CRY1: variants seen among roughly 807,000 people sequenced by gnomAD.
CRY1 encodes cryptochrome-1.
A neutral mutation model predicts 76.0 loss-of-function variants in CRY1; 45 were observed. That is an observed-to-expected ratio of 0.59 (90% CI 0.47 to 0.76). The LOEUF is 0.76. CRY1 is among the 30% of genes least tolerant of loss of function. The probability of loss-of-function intolerance (pLI) is 0.00; values close to 1 mark genes in which losing one functional copy is unlikely to be tolerated. For missense variants in CRY1, 587 were observed against 716.4 expected (o/e 0.82, Z 2.06); for synonymous variants, 248 against 244.0 (o/e 1.02, Z -0.15).
chr12:107,093,114 A>C lies in CRY1; in HGVS notation c.-153T>G. The C allele has an allele frequency of 1.1e-6, 1 of 920,292 alleles. No homozygotes were observed. The highest frequency in any genetic ancestry group is 1.5e-6 in the Non-Finnish European group (1 of 647,900). The allele number at this position is 920,292 out of a possible 1,614,324, so 57.0% of individuals were successfully genotyped here. A position where few individuals can be genotyped will look rare whatever the true frequency, so the allele number is the denominator to read the frequency against. On this transcript the variant is annotated 5_prime_UTR_variant, in exon 1 of 13. Coordinates refer to ENST00000008527, the MANE Select transcript of CRY1 (RefSeq NM_004075.5). ...AGGAAAAAATGACTCCGAGGAGGGG[A>C]CCGGAGAAGGCGGGGGCGCCGGAGG... is the stretch of plus-strand genomic sequence containing the variant.
rs80247147 is a variant in CRY1 at position 107,081,026 on chromosome 12, A to C, written c.158+11778T>G. 2.0e-3 allele frequency among the ~76,000 whole-genome samples: 307 copies of C among 152,236 alleles called. 3 individuals are homozygous for C. Among genetic ancestry groups the C allele is most frequent in the African/African-American group, 7.0e-3 (293 of 41,574 alleles). On this transcript the variant is annotated intron_variant, in intron 1 of 12. Coordinates refer to ENST00000008527, the MANE Select transcript of CRY1 (RefSeq NM_004075.5). ...GAAAAGGTAAGAATAAATATAAAAA[A>C]TGAGCAAAGTCTTTGAAATGGAGCA...
At chr12:106,993,147 C>T in intron 10 of CRY1, 111 bp from the exon 11 acceptor site, 2 of 936,668 alleles carry the variant, frequency 2.1e-6, no homozygotes, top group Middle Eastern at 2.6e-4. Flanking sequence ...CATTTATATG[C>T]TTTTAAGACT....
intron 1 of CRY1, among the ~76,000 whole-genome samples, chr12:107,084,519 A>G (rs1003893979): frequency 2.0e-5 from 3 of 152,216 alleles, no homozygotes; most frequent in Admixed American, 6.5e-5. Context: ...GGCCTCAGAA[A>G]TAACACCACA....
intron 1 of CRY1, among the ~76,000 whole-genome samples, chr12:107,089,331 T>C (rs1405480879): frequency 6.7e-6 from 1 of 148,534 alleles, no homozygotes; most frequent in Non-Finnish European, 1.5e-5. Context: ...TTTGTTGTTG[T>C]TGTTTGTTTG....
chr12:107,031,083 G>GA (rs1310789112), intron 1 of CRY1, among the ~76,000 whole-genome samples: 1 of 152,144 alleles, frequency 6.6e-6, no homozygotes, highest in Non-Finnish European at 1.5e-5. Flanking sequence ...ACCGGATTAA[G>GA]ATACCCTAAC....
chr12:107,040,271 C>CTTT (rs34066417), intron 1 of CRY1, among the ~76,000 whole-genome samples: 8 of 134,414 alleles, frequency 6.0e-5, no homozygotes, highest in African/African-American at 2.2e-4. Context: ...ACTTTCTTTC[C>CTTT]TTTTTTTTTT....
chr12:107,001,903 T>C lies in CRY1; in HGVS notation c.456A>G (p.Arg152=). The change falls in exon 4 of 13, where the codon AGA becomes AGG. Residue 152 remains arginine, a synonymous_variant. Coordinates refer to ENST00000008527, the MANE Select transcript of CRY1 (RefSeq NM_004075.5). ...CCATTTTGCTGATGAGAGTCTGGAA[T>C]CTTTTATAAGTTAGAGGCGGTTGTC... ...NGGQPPLTYK[R]FQTLISKMEP... The C allele has an allele frequency of 3.1e-6, 5 of 1,599,586 alleles. No individual in the cohort carries two copies. Among genetic ancestry groups the C allele is most frequent in the Non-Finnish European group, 4.3e-6 (5 of 1,176,142 alleles).
intron 1 of CRY1, among the ~76,000 whole-genome samples, chr12:107,084,569 G>A (rs149469888): frequency 3.3e-5 from 5 of 152,156 alleles, no homozygotes; most frequent in African/African-American, 1.2e-4. Flanking sequence ...CAAGAAATGG[G>A]GAAAGGATTC....
At chr12:107,048,765 G>C (rs1952879207) in intron 1 of CRY1, among the ~76,000 whole-genome samples, 1 of 152,010 alleles carries the variant, frequency 6.6e-6, no homozygotes, top group Non-Finnish European at 1.5e-5. Context: ...ATTTTCATTT[G>C]AGTATTTAAA....
chr12:107,037,392 C>G (rs1225314850), intron 1 of CRY1, among the ~76,000 whole-genome samples: 1 of 152,004 alleles, frequency 6.6e-6, no homozygotes, highest in Non-Finnish European at 1.5e-5. Context: ...ATTAGCCAGG[C>G]GTGGTGGTGC....
intron 2 of CRY1, among the ~76,000 whole-genome samples, chr12:107,015,946 G>T (rs1952493508): frequency 6.6e-6 from 1 of 152,204 alleles, no homozygotes; most frequent in Non-Finnish European, 1.5e-5. Flanking sequence ...TAAGCAATAA[G>T]ATTTGTATCT....
At chr12:107,058,962 T>C (rs1206652693) in intron 1 of CRY1, among the ~76,000 whole-genome samples, 3 of 152,330 alleles carry the variant, frequency 2.0e-5, no homozygotes, top group Non-Finnish European at 4.4e-5. Flanking sequence ...AGCACAGATA[T>C]GGCCTAGGGC....
Position 106,991,862 on chromosome 12 carries a change from C to G in CRY1, c.*140G>C, listed in dbSNP as rs1051815851. 4.6e-5 allele frequency: 7 copies of G among 152,456 alleles called. No individual in the cohort carries two copies. The highest frequency in any genetic ancestry group is 1.7e-4 in the African/African-American group (7 of 41,406). The allele number at this position is 152,456 out of a possible 1,614,324, so 9.4% of individuals were successfully genotyped here. ...GTGAAATTCATTAAAAAGTTAAAAACCACAGAAATGTCATTAGAAACAACA... is the reference window on the plus strand; with the variant it reads ...GTGAAATTCATTAAAAAGTTAAAAAGCACAGAAATGTCATTAGAAACAACA... On this transcript the variant is annotated 3_prime_UTR_variant, in exon 13 of 13. Transcript: ENST00000008527.
At chr12:107,085,558 T>C (rs757758860) in intron 1 of CRY1, among the ~76,000 whole-genome samples, 6 of 151,776 alleles carry the variant, frequency 4.0e-5, no homozygotes, top group Admixed American at 1.3e-4. Flanking sequence ...CAAACTAACA[T>C]AGGAACAGAA....
intron 1 of CRY1, among the ~76,000 whole-genome samples, chr12:107,085,408 C>T (rs1200827190): frequency 6.6e-6 from 1 of 152,144 alleles, no homozygotes; most frequent in Non-Finnish European, 1.5e-5. Flanking sequence ...GACTTGGAAC[C>T]AACCCAAATG....
At chr12:107,038,780 A>G (rs1952765415) in intron 1 of CRY1, among the ~76,000 whole-genome samples, 1 of 152,242 alleles carries the variant, frequency 6.6e-6, no homozygotes, top group Non-Finnish European at 1.5e-5. Context: ...GCTCCTGCAC[A>G]TTGGGAGAAT....
rs779196460 is a variant in CRY1, at chr12:106,999,797, A to G, written c.891T>C (p.Tyr297=). ...YGQLLWREFF[Y]TAATNNPRFD... is the part of the protein sequence containing the mutation. ...AGCGTGGATTATTTGTTGCTGCTGTATAGAAAAATTCACGCCATAACAGTT... is the reference window on the plus strand; with the variant it reads ...AGCGTGGATTATTTGTTGCTGCTGTGTAGAAAAATTCACGCCATAACAGTT... Residue 297 remains tyrosine (Y), a synonymous_variant, in exon 7 of 13, where the codon TAT becomes TAC. Coordinates refer to ENST00000008527, the MANE Select transcript of CRY1 (RefSeq NM_004075.5). The G allele has an allele frequency of 1.9e-6, 3 of 1,614,262 alleles. No homozygotes were observed. Among genetic ancestry groups the G allele is most frequent in the Non-Finnish European group, 2.5e-6 (3 of 1,180,052 alleles).
At chr12:107,056,946 A>G (rs1952990399) in intron 1 of CRY1, among the ~76,000 whole-genome samples, 2 of 152,176 alleles carry the variant, frequency 1.3e-5, no homozygotes, top group African/African-American at 4.8e-5. Flanking sequence ...CATTTTGATA[A>G]AAGATAAAAG....
chr12:106,998,659 A>ACACACACACACAC, intron 7 of CRY1, among the ~76,000 whole-genome samples: 1 of 143,440 alleles, frequency 7.0e-6, no homozygotes, highest in Middle Eastern at 3.5e-3. Flanking sequence ...TAAGAGATTA[A>ACACACACACACAC]ACACACACAC....
Sources: allele counts gnomAD v4.1 joint callset (sites outside exome capture counted in the v4.1 genomes callset), GRCh38; gene constraint gnomAD v4.1.1; transcripts MANE v1.5; gene names NCBI Gene and HGNC (gene_info 2026-07-23, HGNC 2026-07-21).